TMEM243: variants seen among roughly 807,000 people sequenced by gnomAD.
The protein encoded by TMEM243 is transmembrane protein 243.
In TMEM243, 20 loss-of-function variants were observed where a neutral mutation model predicts 15.0. That is an observed-to-expected ratio of 1.33 (90% CI 0.94 to 1.93). The LOEUF is 1.93. Among genes scored for constraint, TMEM243 ranks in the 30% most tolerant of loss-of-function variants. TMEM243 has a pLI of 0.00. For missense variants in TMEM243, 156 were observed against 142.1 expected, an observed-to-expected ratio of 1.10 and a Z score of -0.50; for synonymous variants, 72 against 52.7, an observed-to-expected ratio of 1.37 and a Z score of -1.59.
chr7:87,197,965 CAA>C lies in TMEM243; in HGVS notation c.208_209del (p.Leu70GlufsTer2), dbSNP rs1801474244. On this transcript the variant is annotated frameshift_variant, in exon 3 of 4. Coordinates refer to ENST00000257637, the MANE Select transcript of TMEM243 (RefSeq NM_024315.4). LOFTEE classifies it high-confidence loss of function. ...CAAGTATGCAGGCAGTAATACTACTCAAAGAGATGCAGACAGCAAAGAATATA... is the reference window on the plus strand; with the variant it reads ...CAAGTATGCAGGCAGTAATACTACTCAGAGATGCAGACAGCAAAGAATATA... ...LNIFFAVCIS[L>X]SSITACILIY... 2 of 1,612,994 alleles carry C rather than the reference CAA, an allele frequency of 1.2e-6. No individual in the cohort carries two copies. Among genetic ancestry groups the C allele is most frequent in the Non-Finnish European group, 1.7e-6 (2 of 1,179,346 alleles).
intron 1 of TMEM243, among the ~76,000 whole-genome samples, chr7:87,215,636 T>A (rs1356147673): frequency 6.6e-6 from 1 of 152,142 alleles, no homozygotes; most frequent in Non-Finnish European, 1.5e-5. Context: ...ATATTTCTTA[T>A]CATCTTGGTA....
intron 1 of TMEM243, among the ~76,000 whole-genome samples, chr7:87,213,418 A>G (rs1484999171): frequency 6.6e-6 from 1 of 152,214 alleles, no homozygotes; most frequent in African/African-American, 2.4e-5. Context: ...TTGGGTGACT[A>G]ACCCTCCTTT....
At chr7:87,199,187 A>AAACT in intron 1 of TMEM243, 130 bp from the exon 2 acceptor site, 1 of 673,280 alleles carries the variant, frequency 1.5e-6, no homozygotes, top group Non-Finnish European at 2.4e-6. Context: ...TTTACACATA[A>AAACT]AACTACCAGA....
chr7:87,201,904 A>G lies in TMEM243; in HGVS notation c.79-2847T>C, dbSNP rs929380669. Among the ~76,000 whole-genome samples the G allele has an allele frequency of 1.5e-4, 23 of 152,212 alleles. 1 individual carries two copies. Among genetic ancestry groups the G allele is most frequent in the African/African-American group, 5.3e-4 (22 of 41,444 alleles). The stretch of plus-strand genomic sequence containing the variant: ...ACAAGGAAGCTTGACAGGACAAAGG[A>G]TGGCAATTAGCCTGGATCCTTGCCT... On this transcript the variant is annotated intron_variant, in intron 1 of 3. Transcript: ENST00000257637.
Position 87,219,111 on chromosome 7 carries a change from T to C in TMEM243, c.78+315A>G, listed in dbSNP as rs545464707. On this transcript the variant is annotated intron_variant, in intron 1 of 3. Transcript: ENST00000257637. ...GTCTCTGGAGGGTCAGTACTCCTGC[T>C]GGAGGTGCAGCTGTACAACCACTAA... 1.7e-3 allele frequency among the ~76,000 whole-genome samples: 264 copies of C among 152,286 alleles called. 1 individual carries two copies. Among genetic ancestry groups the C allele is most frequent in the Non-Finnish European group, 3.2e-3 (220 of 68,024 alleles).
chr7:87,198,821 T>C (rs1008429305), intron 2 of TMEM243, 186 bp downstream of exon 2: 6 of 548,984 alleles, frequency 1.1e-5, no homozygotes, highest in African/African-American at 6.0e-5. Flanking sequence ...GTCTGACTTG[T>C]ACCATTTCAC....
chr7:87,201,293 A>C lies in TMEM243; in HGVS notation c.79-2236T>G, dbSNP rs886445091. On this transcript the variant is annotated intron_variant, in intron 1 of 3. Coordinates refer to ENST00000257637, the MANE Select transcript of TMEM243 (RefSeq NM_024315.4). ...TCTCTGTTTTAAACTTGCTACTCAA[A>C]GTGTAGTCTATGAACCAGCACATCG... Among the ~76,000 whole-genome samples the C allele has an allele frequency of 2.0e-5, 3 of 152,230 alleles. No homozygotes were observed. In the East Asian group the frequency reaches 5.8e-4, roughly 29 times the overall value.
chr7:87,217,802 C>A (rs2129241203), intron 1 of TMEM243, among the ~76,000 whole-genome samples: 1 of 152,356 alleles, frequency 6.6e-6, no homozygotes, highest in South Asian at 2.1e-4. Flanking sequence ...TAATAAAGTT[C>A]TTGAATGGGT....
intron 1 of TMEM243, among the ~76,000 whole-genome samples, chr7:87,202,741 G>T (rs892036108): frequency 6.6e-6 from 1 of 152,164 alleles, no homozygotes; most frequent in East Asian, 1.9e-4. Context: ...ACCTTAACAC[G>T]GTCTAGAAAC....
chr7:87,204,549 G>A lies in TMEM243; in HGVS notation c.79-5492C>T, dbSNP rs1256556983. Among the ~76,000 whole-genome samples the A allele has an allele frequency of 2.6e-5, 4 of 152,176 alleles. No homozygotes were observed. In the East Asian group the frequency reaches 7.7e-4, roughly 29 times the overall value. ...CACACATTCCAAATCAGAAAAACTGGCCAAAATAAAGGGGCTACAGGCCCC... is the reference window on the plus strand; with the variant it reads ...CACACATTCCAAATCAGAAAAACTGACCAAAATAAAGGGGCTACAGGCCCC... On this transcript the variant is annotated intron_variant, in intron 1 of 3. Coordinates refer to ENST00000257637, the MANE Select transcript of TMEM243 (RefSeq NM_024315.4).
chr7:87,198,277 C>G (rs994747894), intron 2 of TMEM243: 20 of 405,506 alleles, frequency 4.9e-5, no homozygotes, highest in Admixed American at 2.9e-4. Context: ...ATCAGTAATA[C>G]TAGCTGATGC....
At chr7:87,197,489 T>C (rs1053557964) in intron 3 of TMEM243, among the ~76,000 whole-genome samples, 2 of 152,058 alleles carry the variant, frequency 1.3e-5, no homozygotes, top group African/African-American at 4.8e-5. Flanking sequence ...CCAGGAGGTT[T>C]TGGTGTTAAT....
upstream of TMEM243, chr7:87,220,537 C>G (rs1283094820): frequency 6.6e-6 from 1 of 152,318 alleles, no homozygotes; most frequent in East Asian, 1.9e-4. Context: ...CCGGCTCCTT[C>G]TCAGGTCCCC....
At chr7:87,219,857 C>G (rs1803386708), upstream of TMEM243, 1 of 317,266 alleles carries the variant, frequency 3.2e-6, no homozygotes, top group African/African-American at 2.2e-5. Flanking sequence ...GCCAGGGTAG[C>G]GCCGCCCGCC....
chr7:87,220,274 G>C (rs371157312), upstream of TMEM243: 1 of 153,110 alleles, frequency 6.5e-6, no homozygotes, highest in Non-Finnish European at 1.5e-5. Context: ...GCTCTCTGCC[G>C]GAACTGCAGC....
In TMEM243 at chr7:87,209,684, C is replaced by CAGTGAG. The variant is rs1554365988; in HGVS notation, c.78+9741_78+9742insCTCACT. 1.3e-3 allele frequency among the ~76,000 whole-genome samples: 93 copies of CAGTGAG among 73,252 alleles called. 3 individuals are homozygous for CAGTGAG. The highest frequency in any genetic ancestry group is 0.013 in the Middle Eastern group (1 of 76). 48.1% of individuals were successfully genotyped at this position (73,252 alleles called of 152,430 possible). A position where few individuals can be genotyped will look rare whatever the true frequency, so the allele number is the denominator to read the frequency against. ...AGCGAGAGAGAGCGAGAGCGAGACA[C>CAGTGAG]AGCGAGAGAGCGAGACACAGTGAGA... On this transcript the variant is annotated intron_variant, in intron 1 of 3. Transcript: ENST00000257637.
At chr7:87,205,025 G>A (rs73208550) in intron 1 of TMEM243, among the ~76,000 whole-genome samples, 5,692 of 152,292 alleles carry the variant, frequency 0.037, 127 homozygotes, top group East Asian at 0.065. Context: ...GCGCACCTGC[G>A]GACCCAGCAC....
intron 1 of TMEM243, among the ~76,000 whole-genome samples, chr7:87,212,885 T>G (rs376752461): frequency 1.3e-5 from 2 of 151,790 alleles, no homozygotes; most frequent in Non-Finnish European, 2.9e-5. Flanking sequence ...GCTTATTCTA[T>G]AGTTAGGAGG....
At chr7:87,216,915 C>T (rs566572507) in intron 1 of TMEM243, 3 of 152,286 alleles carry the variant, frequency 2.0e-5, no homozygotes, top group East Asian at 1.9e-4. Context: ...TGACTGAACA[C>T]GTAACTGTCT....
Sources: gnomAD v4.1 joint callset for allele counts (sites outside exome capture counted in the v4.1 genomes callset) on GRCh38, gnomAD v4.1.1 for gene constraint, MANE v1.5 for transcripts, NCBI Gene and HGNC (gene_info 2026-07-23, HGNC 2026-07-21) for gene names.